The following PCDH9 variants were observed in gnomAD, a reference collection of about 807,000 sequenced individuals.
The protein encoded by PCDH9 is protocadherin-9.
A neutral mutation model predicts 70.6 loss-of-function variants in PCDH9; 24 were observed. That is an observed-to-expected ratio of 0.34 (90% CI 0.25 to 0.48). The LOEUF (loss-of-function observed/expected upper bound fraction) is 0.48, where lower values mean the gene tolerates loss of function less well. PCDH9 is among the 20% of genes least tolerant of loss of function. PCDH9 has a pLI of 0.99. For missense variants in PCDH9, 1,281 were observed against 1,503.6 expected (o/e 0.85, Z 2.45); for synonymous variants, 562 against 558.5 (o/e 1.01, Z -0.09).
chr13:66,927,210 A>G (rs1421557338), intron 2 of PCDH9, among the ~76,000 whole-genome samples: 2 of 152,072 alleles, frequency 1.3e-5, no homozygotes, highest in Non-Finnish European at 2.9e-5. Context: ...GTGGCTTAAA[A>G]AACAAATAAA....
chr13:66,762,169 C>T (rs552048079), intron 3 of PCDH9, among the ~76,000 whole-genome samples: 12 of 152,140 alleles, frequency 7.9e-5, no homozygotes, highest in Admixed American at 7.2e-4. Flanking sequence ...GCTGGAATTC[C>T]ATGGCTGCTG....
intron 4 of PCDH9, among the ~76,000 whole-genome samples, chr13:66,625,089 A>G (rs2077481121): frequency 6.6e-6 from 1 of 152,064 alleles, no homozygotes; most frequent in African/African-American, 2.4e-5. Context: ...AATTCCAGAC[A>G]TCATATTGTT....
intron 3 of PCDH9, among the ~76,000 whole-genome samples, chr13:66,839,678 G>A (rs971409029): frequency 2.6e-5 from 4 of 151,968 alleles, no homozygotes; most frequent in Non-Finnish European, 4.4e-5. Context: ...CTCTGATACC[G>A]TCAGTCATGC....
At chr13:66,590,800 A>T (rs2077029601) in intron 4 of PCDH9, among the ~76,000 whole-genome samples, 1 of 151,836 alleles carries the variant, frequency 6.6e-6, no homozygotes, top group Non-Finnish European at 1.5e-5. Context: ...GACTTAAAAA[A>T]TTTGTATTTT....
intron 4 of PCDH9, among the ~76,000 whole-genome samples, chr13:66,492,399 T>TAC (rs1187906926): frequency 3.3e-5 from 5 of 149,492 alleles, no homozygotes; most frequent in East Asian, 1.9e-4. Flanking sequence ...ATTAAATAGG[T>TAC]ACACACACAC....
At chr13:66,370,271 G>A (rs1328162059) in intron 4 of PCDH9, among the ~76,000 whole-genome samples, 2 of 151,918 alleles carry the variant, frequency 1.3e-5, no homozygotes, top group Non-Finnish European at 2.9e-5. Context: ...CTGTCTCCCA[G>A]TCTCTGTGGG....
intron 4 of PCDH9, among the ~76,000 whole-genome samples, chr13:66,517,152 G>A (rs1959776177): frequency 6.6e-6 from 1 of 152,056 alleles, no homozygotes; most frequent in Non-Finnish European, 1.5e-5. Context: ...TTTATATAAA[G>A]TTGCTTTTTC....
intron 2 of PCDH9, among the ~76,000 whole-genome samples, chr13:67,001,225 T>C (rs551210026): frequency 1.3e-5 from 2 of 152,344 alleles, no homozygotes; most frequent in Non-Finnish European, 2.9e-5. Flanking sequence ...TGGATTACGA[T>C]TCAAATATAG....
chr13:66,981,148 T>A (rs998059059), intron 2 of PCDH9, among the ~76,000 whole-genome samples: 1 of 151,964 alleles, frequency 6.6e-6, no homozygotes, highest in African/African-American at 2.4e-5. Context: ...CATGAAATAG[T>A]AAAAGGTAGG....
At chr13:67,206,369 T>C (rs982411283) in intron 2 of PCDH9, 3 of 152,118 alleles carry the variant, frequency 2.0e-5, no homozygotes, top group Admixed American at 6.6e-5. Flanking sequence ...TTTCACCATA[T>C]TGGCCAGGCT....
intron 3 of PCDH9, among the ~76,000 whole-genome samples, chr13:66,749,382 A>T (rs2079422756): frequency 6.6e-6 from 1 of 152,148 alleles, no homozygotes; most frequent in Admixed American, 6.5e-5. Context: ...AACAACAAAT[A>T]CTACATCATA....
chr13:66,486,985 A>C (rs1178159334), intron 4 of PCDH9, among the ~76,000 whole-genome samples: 2 of 152,228 alleles, frequency 1.3e-5, no homozygotes, highest in Non-Finnish European at 2.9e-5. Flanking sequence ...GATGGTGTGC[A>C]TATACATAAT....
At chr13:66,347,154 G>C (rs1189041176) in intron 4 of PCDH9, among the ~76,000 whole-genome samples, 2 of 152,126 alleles carry the variant, frequency 1.3e-5, no homozygotes, top group Non-Finnish European at 2.9e-5. Flanking sequence ...GAAAATTTAA[G>C]AATGTCTCCA....
rs569433847 is a variant in PCDH9 at position 66,906,863 on chromosome 13, A to C, written c.3037-3258T>G. Among the ~76,000 whole-genome samples the C allele has an allele frequency of 2.4e-4, 37 of 152,306 alleles. 1 individual carries two copies. In the East Asian group the frequency reaches 7.0e-3, roughly 29 times the overall value. The stretch of plus-strand genomic sequence containing the variant: ...TTAATCACTATGAATCCTCCCTAAC[A>C]AATTTCTACTTCCGGGAGAGTTGCA... On this transcript the variant is annotated intron_variant, in intron 2 of 4. Transcript: ENST00000377865.
chr13:67,095,239 T>C (rs1039670741), intron 2 of PCDH9, among the ~76,000 whole-genome samples: 3 of 152,154 alleles, frequency 2.0e-5, no homozygotes, highest in Non-Finnish European at 4.4e-5. Context: ...CCAAGGAGTA[T>C]TTCAGCGTTT....
chr13:66,957,492 A>T (rs1003534291), intron 2 of PCDH9, among the ~76,000 whole-genome samples: 5 of 152,232 alleles, frequency 3.3e-5, no homozygotes, highest in African/African-American at 9.6e-5. Flanking sequence ...AAGAAAGACC[A>T]GTCAGCAATG....
At chr13:67,052,353 G>A (rs2085339601) in intron 2 of PCDH9, among the ~76,000 whole-genome samples, 1 of 152,058 alleles carries the variant, frequency 6.6e-6, no homozygotes, top group East Asian at 1.9e-4. Context: ...GGAAAAGTGT[G>A]CCCTCAGGCC....
chr13:66,849,378 GA>G (rs1316136370), intron 3 of PCDH9, among the ~76,000 whole-genome samples: 1 of 151,386 alleles, frequency 6.6e-6, no homozygotes, highest in Non-Finnish European at 1.5e-5. Flanking sequence ...TGTCCTATGG[GA>G]TCCCATGTGA....
intron 3 of PCDH9, among the ~76,000 whole-genome samples, chr13:66,771,797 T>A (rs568502078): frequency 3.3e-5 from 5 of 152,316 alleles, no homozygotes; most frequent in African/African-American, 1.2e-4. Context: ...CTTATAAAAT[T>A]TTCCCCATGG....
Sources: gnomAD v4.1 joint callset for allele counts (sites outside exome capture counted in the v4.1 genomes callset) on GRCh38, gnomAD v4.1.1 for gene constraint, MANE v1.5 for transcripts, NCBI Gene and HGNC (gene_info 2026-07-23, HGNC 2026-07-21) for gene names.